Variants in CNST observed in about 807,000 individuals in gnomAD.
CNST encodes consortin.
Under a neutral mutation model 72.4 loss-of-function variants are expected in CNST, and 39 were observed. The observed-to-expected ratio is 0.54, with a 90% CI of 0.42 to 0.70. The LOEUF (loss-of-function observed/expected upper bound fraction) is 0.70, where lower values mean the gene tolerates loss of function less well. Among genes scored for constraint, CNST ranks in the 30% least tolerant of loss-of-function variants. The pLI, the probability that CNST is intolerant of heterozygous loss-of-function variation, is 0.00. For synonymous variants in CNST, 332 were observed against 320.1 expected (o/e 1.04, Z -0.40); for missense variants, 871 against 868.5 (o/e 1.00, Z -0.04).
At chr1:246,580,954 G>A (rs966477988) in intron 1 of CNST, among the ~76,000 whole-genome samples, 7 of 152,010 alleles carry the variant, frequency 4.6e-5, no homozygotes, top group Non-Finnish European at 8.8e-5. Flanking sequence ...GGCCAGGCTG[G>A]TCTTGAGCTC....
chr1:246,662,120 A>G (rs1229767918), intron 10 of CNST, among the ~76,000 whole-genome samples: 1 of 152,226 alleles, frequency 6.6e-6, no homozygotes, highest in Non-Finnish European at 1.5e-5. Flanking sequence ...CCTATTGAAA[A>G]GCGTGTCAGA....
chr1:246,612,915 G>T (rs769815342), intron 2 of CNST, among the ~76,000 whole-genome samples: 2 of 152,094 alleles, frequency 1.3e-5, no homozygotes, highest in African/African-American at 2.4e-5. Flanking sequence ...TCCAAACTCA[G>T]TGTTAGGGAC....
At chr1:246,570,662 A>G (rs1043069637) in intron 1 of CNST, among the ~76,000 whole-genome samples, 56 of 147,582 alleles carry the variant, frequency 3.8e-4, no homozygotes, top group African/African-American at 1.4e-3. Context: ...GTTCTGTGAG[A>G]GATGTGTGGA....
chr1:246,569,612 C>G (rs1392215145), intron 1 of CNST, among the ~76,000 whole-genome samples: 1 of 152,092 alleles, frequency 6.6e-6, no homozygotes, highest in Non-Finnish European at 1.5e-5. Flanking sequence ...GATTCTCATT[C>G]TATTGCCCAG....
At chr1:246,599,736 T>C (rs1662144652) in intron 2 of CNST, among the ~76,000 whole-genome samples, 1 of 152,232 alleles carries the variant, frequency 6.6e-6, no homozygotes, top group Admixed American at 6.5e-5. Context: ...GGAGCTGTTA[T>C]TCTGCCTACC....
chr1:246,657,134 C>T (rs1666819127), intron 9 of CNST, among the ~76,000 whole-genome samples: 1 of 152,038 alleles, frequency 6.6e-6, no homozygotes, highest in Non-Finnish European at 1.5e-5. Context: ...TTCTTAAGAT[C>T]TTTATGTTGG....
chr1:246,572,986 T>C (rs1660161078), intron 1 of CNST, among the ~76,000 whole-genome samples: 1 of 152,186 alleles, frequency 6.6e-6, no homozygotes, highest in Non-Finnish European at 1.5e-5. Flanking sequence ...CAACAGGATT[T>C]CCTCCCTCAG....
intron 9 of CNST, among the ~76,000 whole-genome samples, chr1:246,649,849 C>T (rs1207346978): frequency 2.7e-5 from 4 of 150,220 alleles, no homozygotes; most frequent in Non-Finnish European, 5.9e-5. Flanking sequence ...CAGATGTCCC[C>T]TCCAGAGCAA....
intron 2 of CNST, among the ~76,000 whole-genome samples, chr1:246,616,828 C>T (rs994766603): frequency 6.6e-6 from 1 of 151,700 alleles, no homozygotes; most frequent in African/African-American, 2.4e-5. Flanking sequence ...GCTGGGATTA[C>T]AGGGGTAAGC....
chr1:246,605,964 C>G (rs1025698341), intron 2 of CNST: 3 of 151,884 alleles, frequency 2.0e-5, no homozygotes, highest in Non-Finnish European at 4.4e-5. Flanking sequence ...TTCATCCCCC[C>G]AAGCTTTCGG....
chr1:246,602,020 T>C (rs1279449263), intron 2 of CNST, among the ~76,000 whole-genome samples: 1 of 151,968 alleles, frequency 6.6e-6, no homozygotes, highest in Non-Finnish European at 1.5e-5. Context: ...TAGTTGGGAG[T>C]AACACACCAC....
At chr1:246,633,875 A>G (rs770686968) in intron 4 of CNST, 49 bp from the exon 5 acceptor site, 4 of 1,240,800 alleles carry the variant, frequency 3.2e-6, no homozygotes, top group Non-Finnish European at 4.8e-6. Flanking sequence ...CAAATATGGG[A>G]ATAATGTAAA....
At chr1:246,627,409 G>C (rs961682163) in intron 3 of CNST, among the ~76,000 whole-genome samples, 1 of 152,168 alleles carries the variant, frequency 6.6e-6, no homozygotes, top group Non-Finnish European at 1.5e-5. Flanking sequence ...TCCCACTTCA[G>C]GTCCTCTGGT....
At chr1:246,659,849 T>C (rs1666988514) in intron 9 of CNST, among the ~76,000 whole-genome samples, 1 of 152,190 alleles carries the variant, frequency 6.6e-6, no homozygotes, top group South Asian at 2.1e-4. Context: ...CCAGTGCTAA[T>C]GACGAAGCAA....
At chr1:246,610,520 T>G (rs904194783) in intron 2 of CNST, among the ~76,000 whole-genome samples, 5 of 152,214 alleles carry the variant, frequency 3.3e-5, no homozygotes, top group Non-Finnish European at 7.4e-5. Context: ...GTACTGTTTT[T>G]TTGATATGCT....
intron 4 of CNST, chr1:246,632,170 T>G: frequency 2.7e-6 from 1 of 365,858 alleles, no homozygotes; most frequent in Non-Finnish European, 4.8e-6. Context: ...TTTACTAAAA[T>G]AAGTATTTGT....
At chr1:246,579,258 C>A (rs1660635724) in intron 1 of CNST, among the ~76,000 whole-genome samples, 1 of 152,204 alleles carries the variant, frequency 6.6e-6, no homozygotes, top group South Asian at 2.1e-4. Flanking sequence ...CATCCTGTGA[C>A]TTTGCAGATC....
chr1:246,566,541 CCACCGGAGCCAGG>C lies in CNST; in HGVS notation c.-173_-161del. 1 of 425,518 alleles carries C rather than the reference CCACCGGAGCCAGG, an allele frequency of 2.4e-6. No individual in the cohort carries two copies. The highest frequency in any genetic ancestry group is 4.2e-6 in the Non-Finnish European group (1 of 238,930). 26.4% of individuals were successfully genotyped at this position (425,518 alleles called of 1,614,324 possible). On this transcript the variant is annotated 5_prime_UTR_variant, in exon 1 of 11. Transcript: ENST00000366513. ...GGCGGAAAGGCGAGAGGTGTCTCCT[CCACCGGAGCCAGG>C]GGAGACCCGAGCAAGCTCCGTGACA...
At chr1:246,609,149 T>C (rs1052349137) in intron 2 of CNST, among the ~76,000 whole-genome samples, 1 of 152,118 alleles carries the variant, frequency 6.6e-6, no homozygotes, top group African/African-American at 2.4e-5. Flanking sequence ...TGGCCCGAGG[T>C]CAGGTCAGAA....
Sources: allele counts gnomAD v4.1 joint callset (sites outside exome capture counted in the v4.1 genomes callset), GRCh38; gene constraint gnomAD v4.1.1; transcripts MANE v1.5; gene names NCBI Gene and HGNC (gene_info 2026-07-23, HGNC 2026-07-21).